MB21D2: variants seen among roughly 807,000 people sequenced by gnomAD.
MB21D2 encodes Mab-21 domain containing 2, also known as nucleotidyltransferase MB21D2.
A neutral mutation model predicts 33.3 loss-of-function variants in MB21D2; 9 were observed. That is an observed-to-expected ratio of 0.27 (90% CI 0.16 to 0.47). MB21D2 has a LOEUF of 0.47. Ranked by LOEUF, MB21D2 falls within the 20% of genes least tolerant of loss-of-function variation. The pLI is 0.99. For synonymous variants in MB21D2, 241 were observed against 236.3 expected, an observed-to-expected ratio of 1.02 and a Z score of -0.18; for missense variants, 540 against 624.6, an observed-to-expected ratio of 0.86 and a Z score of 1.44.
intron 1 of MB21D2, among the ~76,000 whole-genome samples, chr3:192,897,950 C>A (rs9845124): frequency 0.51 from 77,857 of 151,236 alleles, 20,118 homozygotes; most frequent in South Asian, 0.53. Flanking sequence ...CAGAGCAAGA[C>A]CCTGTCTCAA....
intron 1 of MB21D2, among the ~76,000 whole-genome samples, chr3:192,808,865 G>A (rs1711723307): frequency 6.6e-6 from 1 of 152,168 alleles, no homozygotes; most frequent in South Asian, 2.1e-4. Flanking sequence ...ACATCCTCCA[G>A]CCGACTTCAC....
intron 1 of MB21D2, among the ~76,000 whole-genome samples, chr3:192,858,260 A>G (rs1712963154): frequency 6.6e-6 from 1 of 152,194 alleles, no homozygotes; most frequent in African/African-American, 2.4e-5. Context: ...AAGAGAAAAG[A>G]GAGAACAGAC....
chr3:192,836,291 G>A (rs1465058050), intron 1 of MB21D2, among the ~76,000 whole-genome samples: 5 of 152,034 alleles, frequency 3.3e-5, no homozygotes, highest in Admixed American at 3.3e-4. Context: ...GAAACCCAAG[G>A]GTGTCTGGCA....
intron 1 of MB21D2, among the ~76,000 whole-genome samples, chr3:192,889,552 A>T (rs1008282784): frequency 2.0e-5 from 3 of 152,038 alleles, no homozygotes; most frequent in African/African-American, 7.3e-5. Flanking sequence ...GCCTCTAGGG[A>T]AATTACAAGA....
rs193050847 is a variant in MB21D2 at position 192,915,093 on chromosome 3, G to C, written c.211+2537C>G. On this transcript the variant is annotated intron_variant, in intron 1 of 1. Coordinates refer to ENST00000392452, the MANE Select transcript of MB21D2 (RefSeq NM_178496.4). The stretch of plus-strand genomic sequence containing the variant: ...AATTCGTGGTTGGCCACTTCATTCT[G>C]TGTGAGGGGATAATATCTGTAAGCT... 2.7e-3 allele frequency among the ~76,000 whole-genome samples: 409 copies of C among 152,194 alleles called. 4 individuals are homozygous for C. The highest frequency in any genetic ancestry group is 1.4e-3 in the Non-Finnish European group (97 of 68,016).
intron 1 of MB21D2, among the ~76,000 whole-genome samples, chr3:192,908,821 T>G (rs1452024410): frequency 1.3e-5 from 2 of 152,184 alleles, no homozygotes; most frequent in Non-Finnish European, 1.5e-5. Flanking sequence ...GAAGGTCATC[T>G]GTAGAACCTG....
chr3:192,913,362 C>T (rs150174618), intron 1 of MB21D2, among the ~76,000 whole-genome samples: 3,356 of 152,292 alleles, frequency 0.022, 121 homozygotes, highest in African/African-American at 0.075. Context: ...TGTACCACTG[C>T]ACTCTAGCCT....
intron 1 of MB21D2, among the ~76,000 whole-genome samples, chr3:192,827,388 T>C (rs917805534): frequency 6.6e-6 from 1 of 152,058 alleles, no homozygotes; most frequent in African/African-American, 2.4e-5. Context: ...CAGATTGTGT[T>C]CCCTGGGCTG....
At chr3:192,847,764 C>T (rs149904280) in intron 1 of MB21D2, among the ~76,000 whole-genome samples, 11 of 152,288 alleles carry the variant, frequency 7.2e-5, no homozygotes, top group African/African-American at 2.6e-4. Flanking sequence ...GTCTGCATAA[C>T]ACTCTTCCCT....
At chr3:192,912,664 A>T (rs144101366) in intron 1 of MB21D2, among the ~76,000 whole-genome samples, 1 of 151,926 alleles carries the variant, frequency 6.6e-6, no homozygotes, top group Non-Finnish European at 1.5e-5. Flanking sequence ...CAAGGGCAAA[A>T]CTGTATCTCA....
At chr3:192,901,413 C>CA (rs71635401) in intron 1 of MB21D2, among the ~76,000 whole-genome samples, 2,318 of 100,784 alleles carry the variant, frequency 0.023, 84 homozygotes, top group African/African-American at 0.029. Flanking sequence ...ACTAAAAATT[C>CA]AAAAAAAAAA....
intron 1 of MB21D2, among the ~76,000 whole-genome samples, chr3:192,866,078 T>A (rs1389563573): frequency 1.3e-5 from 2 of 151,944 alleles, no homozygotes; most frequent in Non-Finnish European, 2.9e-5. Flanking sequence ...AAAAAGAAGT[T>A]TCTGATTCCA....
chr3:192,880,154 C>T (rs535787686), intron 1 of MB21D2, among the ~76,000 whole-genome samples: 1 of 152,112 alleles, frequency 6.6e-6, no homozygotes, highest in Non-Finnish European at 1.5e-5. Flanking sequence ...ACCACCCTGA[C>T]CAACATAGTG....
At chr3:192,869,773 GAC>G (rs1039715844) in intron 1 of MB21D2, among the ~76,000 whole-genome samples, 17 of 152,232 alleles carry the variant, frequency 1.1e-4, no homozygotes, top group African/African-American at 4.1e-4. Context: ...GCCTGCACAG[GAC>G]ACAGCAACAA....
At chr3:192,906,575 A>G (rs961493721) in intron 1 of MB21D2, among the ~76,000 whole-genome samples, 3 of 152,090 alleles carry the variant, frequency 2.0e-5, no homozygotes, top group Non-Finnish European at 4.4e-5. Flanking sequence ...TTCCATTTCA[A>G]ACGTCTCTGC....
At chr3:192,869,416 G>C (rs1041641566) in intron 1 of MB21D2, among the ~76,000 whole-genome samples, 3 of 152,018 alleles carry the variant, frequency 2.0e-5, no homozygotes, top group Non-Finnish European at 4.4e-5. Context: ...AGTAGTGGAG[G>C]AGACTGACAC....
At chr3:192,902,853 T>G (rs973306844) in intron 1 of MB21D2, among the ~76,000 whole-genome samples, 10 of 152,222 alleles carry the variant, frequency 6.6e-5, no homozygotes, top group East Asian at 1.9e-4. Flanking sequence ...CCGCCAGCCT[T>G]GATTACAGAT....
intron 1 of MB21D2, among the ~76,000 whole-genome samples, chr3:192,840,297 T>C (rs1712537933): frequency 6.6e-6 from 1 of 151,778 alleles, no homozygotes; most frequent in Admixed American, 6.6e-5. Context: ...ATTTTCAAAG[T>C]CAACCAAAAG....
intron 1 of MB21D2, among the ~76,000 whole-genome samples, chr3:192,849,695 C>A (rs1712757670): frequency 6.6e-6 from 1 of 152,132 alleles, no homozygotes. Flanking sequence ...TTTTTCATGA[C>A]ACTTATTCTA....
Sources: gnomAD v4.1 joint callset for allele counts (sites outside exome capture counted in the v4.1 genomes callset) on GRCh38, gnomAD v4.1.1 for gene constraint, MANE v1.5 for transcripts, NCBI Gene and HGNC (gene_info 2026-07-23, HGNC 2026-07-21) for gene names.